The following SYNPR variants were observed in gnomAD, a reference collection of about 807,000 sequenced individuals.
SYNPR encodes the protein synaptoporin.
A neutral mutation model predicts 32.9 loss-of-function variants in SYNPR; 23 were observed. That is an observed-to-expected ratio of 0.70 (90% CI 0.50 to 0.99). The LOEUF (loss-of-function observed/expected upper bound fraction) is 0.99, where lower values mean the gene tolerates loss of function less well. SYNPR is among the 50% of genes least tolerant of loss of function. The pLI, the probability that SYNPR is intolerant of heterozygous loss-of-function variation, is 0.00. For missense variants in SYNPR, 318 were observed against 349.3 expected, an observed-to-expected ratio of 0.91 and a Z score of 0.71; for synonymous variants, 146 against 135.9, an observed-to-expected ratio of 1.07 and a Z score of -0.52.
intron 2 of SYNPR, among the ~76,000 whole-genome samples, chr3:63,319,285 G>A (rs1467391365): frequency 1.3e-5 from 2 of 151,996 alleles, no homozygotes; most frequent in East Asian, 3.9e-4. Context: ...TGGTCTATGT[G>A]TCTGTTTTTA....
chr3:63,372,909 GA>G (rs1450188006), intron 2 of SYNPR, among the ~76,000 whole-genome samples: 3 of 152,180 alleles, frequency 2.0e-5, no homozygotes, highest in African/African-American at 7.2e-5. Flanking sequence ...GGCTGAACAA[GA>G]GCCTACCAAC....
At position 63,261,630 on chromosome 3, in the gene SYNPR, T is replaced by G. The variant is rs1466614153; in HGVS notation, n.155-5687T>G. ...TACCTAATGTTAAATGACGAGTTAA[T>G]GGGTGCAGCACACCAGCATGGCACA... On this transcript the variant is annotated intron_variant and non_coding_transcript_variant, in intron 2 of 4. Transcript: ENST00000478456. 7.6e-5 allele frequency among the ~76,000 whole-genome samples: 11 copies of G among 144,528 alleles called. No homozygotes were observed. The Admixed American group carries it at 7.6e-4, about 10-fold the overall frequency. 94.8% of individuals were successfully genotyped at this position (144,528 alleles called of 152,430 possible).
At chr3:63,328,288 C>T (rs1174870443) in intron 2 of SYNPR, among the ~76,000 whole-genome samples, 52 of 152,172 alleles carry the variant, frequency 3.4e-4, no homozygotes, top group Non-Finnish European at 5.9e-5. Flanking sequence ...AGAGCCTCAT[C>T]TCCCTTTCTG....
chr3:63,348,993 G>A (rs1161042373), intron 2 of SYNPR, among the ~76,000 whole-genome samples: 1 of 152,020 alleles, frequency 6.6e-6, no homozygotes, highest in Non-Finnish European at 1.5e-5. Context: ...TTGACTTTTG[G>A]TCTCTTTTTA....
chr3:63,234,196 G>C lies in SYNPR; in HGVS notation n.66+5816G>C, dbSNP rs145309076. 8.7e-4 allele frequency among the ~76,000 whole-genome samples: 132 copies of C among 152,278 alleles called. 1 individual carries two copies. The highest frequency in any genetic ancestry group is 3.0e-3 in the African/African-American group (123 of 41,552). ...TCTTACATGGATGGCAGCAGACAAA[G>C]AGAGAGAGCTTGTGAATGGGAACTC... On this transcript the variant is annotated intron_variant and non_coding_transcript_variant, in intron 1 of 4. Coordinates refer to the SYNPR transcript ENST00000478456.
At chr3:63,524,464 C>T (rs1701969381) in intron 3 of SYNPR, among the ~76,000 whole-genome samples, 2 of 152,108 alleles carry the variant, frequency 1.3e-5, no homozygotes, top group African/African-American at 4.8e-5. Flanking sequence ...GTGACACAAA[C>T]CATATCATCC....
At chr3:63,493,685 G>A (rs747266755) in intron 3 of SYNPR, among the ~76,000 whole-genome samples, 11 of 151,730 alleles carry the variant, frequency 7.2e-5, no homozygotes, top group African/African-American at 9.7e-5. Context: ...GCATGGTGGC[G>A]CACACCTGTA....
chr3:63,565,652 C>T (rs553504554), intron 4 of SYNPR, among the ~76,000 whole-genome samples: 1 of 152,132 alleles, frequency 6.6e-6, no homozygotes, highest in Non-Finnish European at 1.5e-5. Context: ...AGCATTCTGC[C>T]CATGACCCCC....
intron 2 of SYNPR, among the ~76,000 whole-genome samples, chr3:63,370,262 A>C (rs964007962): frequency 6.6e-6 from 1 of 152,178 alleles, no homozygotes; most frequent in African/African-American, 2.4e-5. Flanking sequence ...GTTTTTTTCC[A>C]AAGCTAGCCC....
chr3:63,564,147 A>G (rs1182133875), intron 4 of SYNPR, among the ~76,000 whole-genome samples: 2 of 151,542 alleles, frequency 1.3e-5, no homozygotes, highest in African/African-American at 4.9e-5. Flanking sequence ...CACACCTATC[A>G]GAATCTGACA....
At chr3:63,542,724 T>C (rs564378032) in intron 3 of SYNPR, among the ~76,000 whole-genome samples, 1 of 152,258 alleles carries the variant, frequency 6.6e-6, no homozygotes, top group South Asian at 2.1e-4. Context: ...GCACCTGCCA[T>C]ATACTTTTTG....
At chr3:63,364,130 G>C (rs1455870608) in intron 2 of SYNPR, among the ~76,000 whole-genome samples, 4 of 152,148 alleles carry the variant, frequency 2.6e-5, no homozygotes, top group African/African-American at 9.7e-5. Context: ...CTGTCAAAGA[G>C]AGTGGCCACT....
chr3:63,354,610 A>G (rs2087550864), intron 2 of SYNPR, among the ~76,000 whole-genome samples: 1 of 152,216 alleles, frequency 6.6e-6, no homozygotes, highest in African/African-American at 2.4e-5. Context: ...GGGAGTAGAT[A>G]AAGGGAGAAG....
chr3:63,538,249 A>G (rs576565715), intron 3 of SYNPR, among the ~76,000 whole-genome samples: 1 of 152,238 alleles, frequency 6.6e-6, no homozygotes, highest in South Asian at 2.1e-4. Context: ...CAAACCCTGA[A>G]CAACTGCCTT....
At chr3:63,400,711 C>T (rs2088279488) in intron 2 of SYNPR, among the ~76,000 whole-genome samples, 1 of 152,182 alleles carries the variant, frequency 6.6e-6, no homozygotes. Context: ...GGCTCCACCA[C>T]TCAAAGACAG....
chr3:63,344,535 G>C (rs2087411597), intron 2 of SYNPR, among the ~76,000 whole-genome samples: 1 of 146,306 alleles, frequency 6.8e-6, no homozygotes, highest in Admixed American at 7.0e-5. Context: ...AGAAACAGGT[G>C]CATATTCAAA....
intron 2 of SYNPR, among the ~76,000 whole-genome samples, chr3:63,474,098 G>T (rs537507051): frequency 6.6e-6 from 1 of 152,318 alleles, no homozygotes; most frequent in East Asian, 1.9e-4. Context: ...TGAGCAGGTT[G>T]CTTCTGTGGG....
chr3:63,546,051 G>A (rs944975568), intron 3 of SYNPR, among the ~76,000 whole-genome samples: 1 of 152,002 alleles, frequency 6.6e-6, no homozygotes, highest in African/African-American at 2.4e-5. Context: ...CTTGGGTAGA[G>A]TACCACAGCT....
chr3:63,258,006 A>G (rs954616174), intron 2 of SYNPR, among the ~76,000 whole-genome samples: 4 of 152,326 alleles, frequency 2.6e-5, no homozygotes, highest in Admixed American at 6.5e-5. Flanking sequence ...GGATCAATTC[A>G]ACAAGAAGAG....
Sources: gnomAD v4.1 joint callset for allele counts (sites outside exome capture counted in the v4.1 genomes callset) on GRCh38, gnomAD v4.1.1 for gene constraint, MANE v1.5 for transcripts, NCBI Gene and HGNC (gene_info 2026-07-23, HGNC 2026-07-21) for gene names.